The following ETF1 variants were observed in gnomAD, a reference collection of about 807,000 sequenced individuals.
The protein encoded by ETF1 is eukaryotic translation termination factor 1.
A neutral mutation model predicts 55.1 loss-of-function variants in ETF1; 4 were observed. That is an observed-to-expected ratio of 0.07 (90% CI 0.04 to 0.17). The LOEUF is 0.17. Ranked by LOEUF, ETF1 falls within the 10% of genes least tolerant of loss-of-function variation. The probability of loss-of-function intolerance (pLI) is 1.00; values close to 1 mark genes in which losing one functional copy is unlikely to be tolerated. For synonymous variants in ETF1, 157 were observed against 182.3 expected, an observed-to-expected ratio of 0.86 and a Z score of 1.12; for missense variants, 142 against 523.6, an observed-to-expected ratio of 0.27 and a Z score of 7.11.
Position 138,542,928 on chromosome 5 carries a change from T to G in ETF1, c.-10A>C. 2 of 1,613,360 alleles carry G rather than the reference T, an allele frequency of 1.2e-6. No individual in the cohort carries two copies. The highest frequency in any genetic ancestry group is 8.5e-7 in the Non-Finnish European group (1 of 1,179,732). ...TGGGGTCGTCCGCCATCTTCTCGCC[T>G]CCTCCTCCCTAGAGCGGCCCGGCGG... is the stretch of plus-strand genomic sequence containing the variant. On this transcript the variant is annotated 5_prime_UTR_variant, in exon 2 of 11. Transcript: ENST00000360541.
At chr5:138,517,835 A>C (rs1169317192) in intron 3 of ETF1, 135 bp from the exon 4 acceptor site, 3 of 1,296,136 alleles carry the variant, frequency 2.3e-6, no homozygotes, top group Non-Finnish European at 3.0e-6. Flanking sequence ...AAAAAGCTTG[A>C]AATCTCTCAG....
chr5:138,528,289 T>C (rs1206964095), intron 2 of ETF1, among the ~76,000 whole-genome samples: 1 of 152,148 alleles, frequency 6.6e-6, no homozygotes, highest in Admixed American at 6.5e-5. Flanking sequence ...CTGAGAGAAC[T>C]CAAAATGCCT....
At chr5:138,516,065 G>A (rs1765005338) in intron 4 of ETF1, among the ~76,000 whole-genome samples, 1 of 152,134 alleles carries the variant, frequency 6.6e-6, no homozygotes, top group African/African-American at 2.4e-5. Flanking sequence ...ACTGATTTAG[G>A]TCACTCTAAT....
chr5:138,542,554 C>T, intron 2 of ETF1: 1 of 1,245,292 alleles, frequency 8.0e-7, no homozygotes, highest in African/African-American at 1.6e-5. Flanking sequence ...GACTTAAGGG[C>T]CCGGGAGAGG....
chr5:138,528,138 T>G (rs1386824185), intron 2 of ETF1, among the ~76,000 whole-genome samples: 2 of 152,096 alleles, frequency 1.3e-5, no homozygotes, highest in Admixed American at 1.3e-4. Context: ...CAGAGAATAG[T>G]TTCCTAAGAT....
At chr5:138,529,983 T>A (rs538134382) in intron 2 of ETF1, among the ~76,000 whole-genome samples, 12 of 151,976 alleles carry the variant, frequency 7.9e-5, no homozygotes, top group Admixed American at 3.3e-4. Context: ...GCCCAAACAC[T>A]CCTCCCACCT....
chr5:138,540,903 T>C (rs762599472), intron 2 of ETF1, among the ~76,000 whole-genome samples: 1 of 152,226 alleles, frequency 6.6e-6, no homozygotes, highest in Non-Finnish European at 1.5e-5. Context: ...TTTCCTTCAT[T>C]AAGCAGTAGA....
rs552373548 is a variant in ETF1, at chr5:138,522,862, C to G, written c.87-3995G>C. On this transcript the variant is annotated intron_variant, in intron 2 of 10. Transcript: ENST00000360541. The stretch of plus-strand genomic sequence containing the variant: ...TCTACTAAAAATACAAAAAATTAGC[C>G]GGGCGCAGTGGCAGGCGCCTGTAGT... Among the ~76,000 whole-genome samples, 6 of 151,816 alleles carry G rather than the reference C, an allele frequency of 4.0e-5. No homozygotes were observed. The East Asian group carries it at 1.2e-3, about 29-fold the overall frequency.
intron 2 of ETF1, among the ~76,000 whole-genome samples, chr5:138,533,463 G>A (rs1245372458): frequency 2.6e-5 from 4 of 151,994 alleles, no homozygotes; most frequent in African/African-American, 7.2e-5. Context: ...CGAGGCAGGC[G>A]GATCACGAGG....
chr5:138,512,963 C>A lies in ETF1; in HGVS notation c.542-9G>T. Reference sequence around the variant, plus strand: ...TGACTGACCTCCTCTACCTTTGACACAAAAGTAGCAAGAGAAAAAGGCAAT... The same window carrying A: ...TGACTGACCTCCTCTACCTTTGACAAAAAAGTAGCAAGAGAAAAAGGCAAT... On this transcript the variant is annotated splice_polypyrimidine_tract_variant and intron_variant, in intron 5 of 10. Coordinates refer to ENST00000360541, the MANE Select transcript of ETF1 (RefSeq NM_004730.4). 6.7e-7 allele frequency: 1 copy of A among 1,493,878 alleles called. No individual in the cohort carries two copies. Among genetic ancestry groups the A allele is most frequent in the Non-Finnish European group, 8.9e-7 (1 of 1,128,540 alleles). 92.5% of individuals were successfully genotyped at this position (1,493,878 alleles called of 1,614,324 possible).
Position 138,535,874 on chromosome 5 carries a change from CAAAAAAA to C in ETF1, c.86+6952_86+6958del, listed in dbSNP as rs35261297. On this transcript the variant is annotated intron_variant, in intron 2 of 10. Coordinates refer to ENST00000360541, the MANE Select transcript of ETF1 (RefSeq NM_004730.4). ...TGGGCGGGAAAGCGAGACTCCGCCT[CAAAAAAA>C]AAAAAAAAAAAAAAAAAAAGACCTT... 8.6e-5 allele frequency among the ~76,000 whole-genome samples: 5 copies of C among 57,846 alleles called. No homozygotes were observed. In the Admixed American group the frequency reaches 9.8e-4, roughly 11 times the overall value. The allele number at this position is 57,846 out of a possible 152,430, so 37.9% of individuals were successfully genotyped here.
In ETF1 at chr5:138,508,138, G is replaced by A. The variant is rs1764624296; in HGVS notation, c.*167C>T. On this transcript the variant is annotated 3_prime_UTR_variant, in exon 11 of 11. Coordinates refer to ENST00000360541, the MANE Select transcript of ETF1 (RefSeq NM_004730.4). The stretch of plus-strand genomic sequence containing the variant: ...CCATGACAAACCAAAGTGTAGGGCT[G>A]GGTCTGGTTTTGTTTCGGTTTTCTT... 5 of 820,388 alleles carry A rather than the reference G, an allele frequency of 6.1e-6. No individual in the cohort carries two copies. In the South Asian group the frequency reaches 1.0e-4, roughly 16 times the overall value. The allele number at this position is 820,388 out of a possible 1,614,324, so 50.8% of individuals were successfully genotyped here.
intron 2 of ETF1, 91 bp from the exon 3 acceptor site, chr5:138,518,958 C>T (rs576326217): frequency 2.6e-6 from 4 of 1,555,046 alleles, no homozygotes; most frequent in African/African-American, 2.7e-5. Context: ...CAGGGAGATG[C>T]CCCAAAGTTA....
In ETF1 at chr5:138,514,599, C is replaced by T. The variant is rs541395482; in HGVS notation, c.403-893G>A. Among the ~76,000 whole-genome samples, 9 of 149,958 alleles carry T rather than the reference C, an allele frequency of 6.0e-5. No individual in the cohort carries two copies. In the South Asian group the frequency reaches 1.9e-3, roughly 32 times the overall value. ...TTTTTTTTTTTGAGACAGGGTCTCA[C>T]TTTGCTGGCCAGGCTGGAGTGCAGT... On this transcript the variant is annotated intron_variant, in intron 4 of 10. Transcript: ENST00000360541.
At chr5:138,512,260 T>TA (rs1554137515) in intron 6 of ETF1, among the ~76,000 whole-genome samples, 71 of 15,370 alleles carry the variant, frequency 4.6e-3, no homozygotes, top group South Asian at 0.016. Flanking sequence ...ATATATATAT[T>TA]TTTTTTTTTT....
intron 4 of ETF1, among the ~76,000 whole-genome samples, chr5:138,515,954 T>C (rs1050105426): frequency 6.6e-6 from 1 of 152,168 alleles, no homozygotes; most frequent in African/African-American, 2.4e-5. Flanking sequence ...TGTCGACAAA[T>C]GTCAGTTCTA....
intron 8 of ETF1, 68 bp downstream of exon 8, chr5:138,510,977 T>TC (rs1301855655): frequency 6.4e-7 from 1 of 1,571,422 alleles, no homozygotes; most frequent in South Asian, 1.2e-5. Context: ...CAGCCATCCC[T>TC]CCCAAATCTC....
chr5:138,514,759 A>C (rs1174649198), intron 4 of ETF1, among the ~76,000 whole-genome samples: 1 of 151,996 alleles, frequency 6.6e-6, no homozygotes, highest in African/African-American at 2.4e-5. Flanking sequence ...TCTGAGTTTT[A>C]TGAGGAAAAC....
intron 3 of ETF1, 173 bp from the exon 4 acceptor site, chr5:138,517,873 T>A (rs1765083382): frequency 2.0e-6 from 2 of 985,222 alleles, no homozygotes; most frequent in Non-Finnish European, 2.4e-6. Context: ...ATTTTAAAAC[T>A]TCTTCTGAGA....
Sources: gnomAD v4.1 joint callset for allele counts (sites outside exome capture counted in the v4.1 genomes callset) on GRCh38, gnomAD v4.1.1 for gene constraint, MANE v1.5 for transcripts, NCBI Gene and HGNC (gene_info 2026-07-23, HGNC 2026-07-21) for gene names.